The following TBC1D5 variants were observed in gnomAD, a reference collection of about 807,000 sequenced individuals.
TBC1D5 encodes TBC1 domain family, member 5.
In TBC1D5, 75 loss-of-function variants were observed where a neutral mutation model predicts 100.3. That is an observed-to-expected ratio of 0.75 (90% CI 0.62 to 0.91). TBC1D5 has a LOEUF of 0.91. Ranked by LOEUF, TBC1D5 falls within the 40% of genes least tolerant of loss-of-function variation. The pLI is 0.00. For synonymous variants in TBC1D5, 323 were observed against 325.6 expected (o/e 0.99, Z 0.09); for missense variants, 910 against 942.4 (o/e 0.97, Z 0.45).
intron 2 of TBC1D5, among the ~76,000 whole-genome samples, chr3:17,562,916 A>G (rs2096568901): frequency 6.6e-6 from 1 of 152,264 alleles, no homozygotes; most frequent in Non-Finnish European, 1.5e-5. Flanking sequence ...TTTTAAAAGA[A>G]TAATGATATA....
intron 1 of TBC1D5, among the ~76,000 whole-genome samples, chr3:17,721,747 G>A (rs980992608): frequency 4.6e-5 from 7 of 151,816 alleles, no homozygotes; most frequent in East Asian, 1.9e-4. Context: ...TTGGGAAGCC[G>A]AGGCGGGCAG....
chr3:17,642,094 C>T (rs2064567855), intron 1 of TBC1D5, among the ~76,000 whole-genome samples: 1 of 152,072 alleles, frequency 6.6e-6, no homozygotes, highest in Non-Finnish European at 1.5e-5. Context: ...AAAACTACAT[C>T]AATTTGGTTA....
At chr3:17,659,139 C>T (rs2066405634) in intron 1 of TBC1D5, among the ~76,000 whole-genome samples, 1 of 152,098 alleles carries the variant, frequency 6.6e-6, no homozygotes, top group South Asian at 2.1e-4. Context: ...ATGAGATCTA[C>T]CATTGAGAAA....
At chr3:17,566,804 G>A (rs942921725) in intron 2 of TBC1D5, among the ~76,000 whole-genome samples, 7 of 151,756 alleles carry the variant, frequency 4.6e-5, no homozygotes, top group African/African-American at 1.7e-4. Context: ...AACAAACTTA[G>A]AAGGCCTTTC....
chr3:17,673,402 C>A (rs1343499133), intron 1 of TBC1D5, among the ~76,000 whole-genome samples: 1 of 148,000 alleles, frequency 6.8e-6, no homozygotes, highest in Non-Finnish European at 1.5e-5. Context: ...CTCTACCTAA[C>A]CAGGCTCAGT....
chr3:17,628,190 G>A (rs757432951), intron 1 of TBC1D5, among the ~76,000 whole-genome samples: 3 of 151,972 alleles, frequency 2.0e-5, no homozygotes, highest in Non-Finnish European at 4.4e-5. Flanking sequence ...CCAACATGGC[G>A]AAACCCCTTC....
chr3:17,577,513 T>A (rs2096664818), intron 2 of TBC1D5, among the ~76,000 whole-genome samples: 2 of 151,982 alleles, frequency 1.3e-5, no homozygotes, highest in Non-Finnish European at 2.9e-5. Context: ...TAGAAATTTT[T>A]AAAAACTTAT....
At chr3:17,606,785 AAAC>A (rs200032975) in intron 2 of TBC1D5, among the ~76,000 whole-genome samples, 13 of 152,174 alleles carry the variant, frequency 8.5e-5, no homozygotes, top group South Asian at 2.1e-4. Context: ...CTATACTGAA[AAAC>A]AACAACAACA....
At chr3:17,278,271 T>C (rs1219307928) in intron 15 of TBC1D5, among the ~76,000 whole-genome samples, 1 of 152,220 alleles carries the variant, frequency 6.6e-6, no homozygotes, top group Non-Finnish European at 1.5e-5. Context: ...TCATCCTAGC[T>C]GAGCATCAGA....
chr3:17,383,931 C>T (rs760959738), exon 9 of TBC1D5: 3 of 1,598,864 alleles, frequency 1.9e-6, no homozygotes, highest in African/African-American at 1.3e-5. Context: ...AAAGCAACTG[C>T]TCGTTTTCTC....
intron 1 of TBC1D5, among the ~76,000 whole-genome samples, chr3:17,714,750 C>T (rs2075076026): frequency 6.6e-6 from 1 of 152,144 alleles, no homozygotes; most frequent in African/African-American, 2.4e-5. Context: ...AGGAGGATCC[C>T]ATGAGCCCAG....
chr3:17,234,865 T>C (rs1465107631), intron 17 of TBC1D5, among the ~76,000 whole-genome samples: 2 of 152,166 alleles, frequency 1.3e-5, no homozygotes, highest in Admixed American at 1.3e-4. Context: ...GTTGTAATTA[T>C]ACCATCATCA....
intron 1 of TBC1D5, among the ~76,000 whole-genome samples, chr3:17,639,299 T>C (rs867259837): frequency 5.9e-5 from 9 of 152,134 alleles, no homozygotes; most frequent in African/African-American, 2.2e-4. Context: ...ATTCCATTTA[T>C]ATCAACTATC....
intron 3 of TBC1D5, among the ~76,000 whole-genome samples, chr3:17,458,267 C>T (rs191171998): frequency 6.6e-6 from 1 of 152,084 alleles, no homozygotes; most frequent in Non-Finnish European, 1.5e-5. Flanking sequence ...TTCCCTGTTT[C>T]CATACCCCAA....
chr3:17,230,719 A>G (rs769718941), intron 17 of TBC1D5, among the ~76,000 whole-genome samples: 5 of 152,242 alleles, frequency 3.3e-5, no homozygotes, highest in Non-Finnish European at 7.4e-5. Flanking sequence ...TATGGAAATT[A>G]TTTTAAAAAA....
At chr3:17,635,101 G>T (rs1335912878) in intron 1 of TBC1D5, among the ~76,000 whole-genome samples, 1 of 152,166 alleles carries the variant, frequency 6.6e-6, no homozygotes, top group Non-Finnish European at 1.5e-5. Context: ...GAAAATGTAA[G>T]TCAAGGATGA....
rs1216974909 is a variant in TBC1D5 at position 17,650,593 on chromosome 3, CA to C, written c.-100-26681del. Reference sequence around the variant, plus strand: ...AGAAGCCAAATTGATTTCTTAAAGACAAAAAAAAAGTCATACTTTTGAATTT... The same window carrying C: ...AGAAGCCAAATTGATTTCTTAAAGACAAAAAAAAGTCATACTTTTGAATTT... On this transcript the variant is annotated intron_variant, in intron 1 of 21. Transcript: ENST00000253692. 4.0e-5 allele frequency among the ~76,000 whole-genome samples: 6 copies of C among 150,948 alleles called. No individual in the cohort carries two copies. In the South Asian group the frequency reaches 6.3e-4, roughly 16 times the overall value.
At chr3:17,417,819 G>A (rs569728619) in intron 4 of TBC1D5, among the ~76,000 whole-genome samples, 35 of 152,186 alleles carry the variant, frequency 2.3e-4, no homozygotes, top group African/African-American at 6.5e-4. Flanking sequence ...CAGTGTAAAA[G>A]TGTTCCTATT....
Position 17,625,429 on chromosome 3 carries a change from G to C in TBC1D5, c.-100-1516C>G, listed in dbSNP as rs537651147. On this transcript the variant is annotated intron_variant, in intron 1 of 21. Transcript: ENST00000253692. ...ACGGTTTTTTATGTCACTTAATGGA[G>C]ATAAATATTCTCTTCCCTTCTCATA... is the stretch of plus-strand genomic sequence containing the variant. 7.9e-5 allele frequency among the ~76,000 whole-genome samples: 12 copies of C among 152,028 alleles called. No individual in the cohort carries two copies. In the South Asian group the frequency reaches 2.3e-3, roughly 29 times the overall value.
Sources: allele counts gnomAD v4.1 joint callset (sites outside exome capture counted in the v4.1 genomes callset), GRCh38; gene constraint gnomAD v4.1.1; transcripts MANE v1.5; gene names NCBI Gene and HGNC (gene_info 2026-07-23, HGNC 2026-07-21).